ADD1: variants seen among roughly 807,000 people sequenced by gnomAD.
The protein encoded by ADD1 is alpha-adducin.
Under a neutral mutation model 80.5 loss-of-function variants are expected in ADD1, and 24 were observed. The ratio of observed to expected loss-of-function variants is 0.30; its 90% CI spans 0.22 to 0.42. The LOEUF (loss-of-function observed/expected upper bound fraction) is 0.42. Ranked by LOEUF, ADD1 falls within the 10% of genes least tolerant of loss-of-function variation. The pLI is 1.00. For missense variants in ADD1, 948 were observed against 1,019.0 expected, an observed-to-expected ratio of 0.93 and a Z score of 0.95; for synonymous variants, 373 against 393.8, an observed-to-expected ratio of 0.95 and a Z score of 0.63.
At chr4:2,879,077 G>A (rs1297150404) in intron 2 of ADD1, among the ~76,000 whole-genome samples, 3 of 152,196 alleles carry the variant, frequency 2.0e-5, no homozygotes, top group Admixed American at 6.5e-5. Context: ...CTTTGGAGGA[G>A]AGGAGGTCCG....
At chr4:2,893,939 T>C in intron 4 of ADD1, 74 bp from the exon 5 acceptor site, 1 of 1,395,526 alleles carries the variant, frequency 7.2e-7, no homozygotes, top group Non-Finnish European at 1.0e-6. Context: ...AACAAACCCG[T>C]GAATTTGTAG....
In ADD1 at chr4:2,909,329, A is replaced by G; in HGVS notation, c.1699-10A>G. On this transcript the variant is annotated splice_polypyrimidine_tract_variant and intron_variant, in intron 12 of 15. Coordinates refer to ENST00000683351, the MANE Select transcript of ADD1 (RefSeq NM_001354761.2). ...CTGGTGTGCTCTGGTGACTCAGTTT[A>G]CTGTTTCAGGATGCACCTCTCTCTG... is the stretch of plus-strand genomic sequence containing the variant. 3.9e-6 allele frequency: 6 copies of G among 1,548,578 alleles called. No homozygotes were observed. Among genetic ancestry groups the G allele is most frequent in the Non-Finnish European group, 5.2e-6 (6 of 1,145,188 alleles).
At chr4:2,915,564 G>A (rs1184126942) in intron 14 of ADD1, among the ~76,000 whole-genome samples, 12 of 152,136 alleles carry the variant, frequency 7.9e-5, no homozygotes, top group Admixed American at 6.5e-4. Context: ...TGGCGTGAAC[G>A]TGGAAGGCAG....
chr4:2,916,520 G>GTC (rs1015652917), intron 14 of ADD1, among the ~76,000 whole-genome samples: 4 of 151,848 alleles, frequency 2.6e-5, no homozygotes, highest in Non-Finnish European at 4.4e-5. Context: ...AGAGACTTTT[G>GTC]TCTCTCTCTC....
Position 2,925,978 on chromosome 4 carries a change from CACAGCTCCT to C in ADD1, c.1949-33_1949-25del, listed in dbSNP as rs768472687. ...AGGTACAGGCTCATGGCGTGGCGTC[CACAGCTCCT>C]ACCATATCCTTCTTGCTTCTCTGCA... On this transcript the variant is annotated intron_variant, in intron 14 of 15. Transcript: ENST00000683351. 7.8e-5 allele frequency: 125 copies of C among 1,596,390 alleles called. No individual in the cohort carries two copies. In the African/African-American group the frequency reaches 1.4e-3, roughly 18 times the overall value.
intron 4 of ADD1, among the ~76,000 whole-genome samples, chr4:2,891,385 T>G (rs888177257): frequency 6.6e-6 from 1 of 151,748 alleles, no homozygotes; most frequent in African/African-American, 2.4e-5. Context: ...AGGCAAAGGT[T>G]GTAGTGAGCT....
chr4:2,885,748 T>G (rs1024290163), intron 4 of ADD1, among the ~76,000 whole-genome samples: 1 of 152,148 alleles, frequency 6.6e-6, no homozygotes, highest in Non-Finnish European at 1.5e-5. Context: ...TAGCTGGGAC[T>G]ACAGGCGCCC....
chr4:2,876,633 G>A (rs1373283558), intron 2 of ADD1, among the ~76,000 whole-genome samples: 3 of 152,008 alleles, frequency 2.0e-5, no homozygotes, highest in Admixed American at 6.6e-5. Flanking sequence ...TCAGGAGATC[G>A]AGACCATCCT....
intron 2 of ADD1, among the ~76,000 whole-genome samples, chr4:2,877,203 G>A (rs1430577212): frequency 6.6e-6 from 1 of 152,028 alleles, no homozygotes; most frequent in African/African-American, 2.4e-5. Context: ...GCCTTTGTGT[G>A]TGCATCATCC....
chr4:2,884,220 T>C (rs925295598), intron 3 of ADD1, among the ~76,000 whole-genome samples: 1 of 152,272 alleles, frequency 6.6e-6, no homozygotes, highest in African/African-American at 2.4e-5. Flanking sequence ...GTGTAAGTAT[T>C]GGAAAACAGT....
chr4:2,872,578 G>A (rs1055658939), intron 1 of ADD1, among the ~76,000 whole-genome samples: 1 of 152,300 alleles, frequency 6.6e-6, no homozygotes, highest in African/African-American at 2.4e-5. Context: ...ATTTATTTGA[G>A]TCAGGGTCTT....
At chr4:2,876,178 C>A in intron 2 of ADD1, 68 bp downstream of exon 2, 1 of 1,465,428 alleles carries the variant, frequency 6.8e-7, no homozygotes, top group South Asian at 1.4e-5. Context: ...GGTCTTATGC[C>A]CTGTTGTATG....
intron 1 of ADD1, among the ~76,000 whole-genome samples, chr4:2,856,028 G>A (rs1728005378): frequency 7.2e-6 from 1 of 138,728 alleles, no homozygotes; most frequent in Non-Finnish European, 1.5e-5. Flanking sequence ...CCAGCTACTC[G>A]GAAATTATTT....
intron 13 of ADD1, among the ~76,000 whole-genome samples, chr4:2,912,491 A>G (rs1738244936): frequency 1.3e-5 from 2 of 152,146 alleles, no homozygotes; most frequent in Admixed American, 6.5e-5. Context: ...ATTGGGAACA[A>G]GGGTTTTGAT....
At position 2,881,612 on chromosome 4, in the gene ADD1, T is replaced by G. The variant is rs34496449; in HGVS notation, c.196-286T>G. On this transcript the variant is annotated intron_variant, in intron 2 of 15. Coordinates refer to ENST00000683351, the MANE Select transcript of ADD1 (RefSeq NM_001354761.2). ...TTCCCTTTTATCAATAATACTGGAA[T>G]GAACATACAAATGAATCAGTCTTTG... is the stretch of plus-strand genomic sequence containing the variant. 473 of 262,394 alleles carry G rather than the reference T, an allele frequency of 1.8e-3. 1 individual carries two copies. Among genetic ancestry groups the G allele is most frequent in the African/African-American group, 0.01 (456 of 45,230 alleles). The allele number at this position is 262,394 out of a possible 1,614,324, so 16.3% of individuals were successfully genotyped here. A position where few individuals can be genotyped will look rare whatever the true frequency, so the allele number is the denominator to read the frequency against.
chr4:2,884,232 A>G (rs1189887025), intron 3 of ADD1, among the ~76,000 whole-genome samples: 1 of 152,238 alleles, frequency 6.6e-6, no homozygotes, highest in Non-Finnish European at 1.5e-5. Context: ...GAAAACAGTC[A>G]TTATGAAATT....
At chr4:2,880,307 G>A (rs2108918444) in intron 2 of ADD1, among the ~76,000 whole-genome samples, 1 of 152,002 alleles carries the variant, frequency 6.6e-6, no homozygotes, top group Middle Eastern at 3.4e-3. Context: ...CAAGTGATAG[G>A]TACTCTTAGA....
At chr4:2,909,293 A>G in intron 12 of ADD1, 46 bp from the exon 13 acceptor site, 2 of 1,478,310 alleles carry the variant, frequency 1.4e-6, no homozygotes, top group Non-Finnish European at 1.8e-6. Flanking sequence ...CTGATATTTC[A>G]CAGGCTGGGC....
At chr4:2,852,190 CTTTCT>C (rs1560138236) in intron 1 of ADD1, among the ~76,000 whole-genome samples, 6 of 12,226 alleles carry the variant, frequency 4.9e-4, no homozygotes, top group African/African-American at 2.2e-3. Context: ...TTCTTTCTTT[CTTTCT>C]TTCCTTTCTT....
Sources: gnomAD v4.1 joint callset for allele counts (sites outside exome capture counted in the v4.1 genomes callset) on GRCh38, gnomAD v4.1.1 for gene constraint, MANE v1.5 for transcripts, NCBI Gene and HGNC (gene_info 2026-07-23, HGNC 2026-07-21) for gene names.